RBFOX1: variants seen among roughly 807,000 people sequenced by gnomAD.
RBFOX1 encodes the protein RNA binding protein fox-1 homolog 1.
In RBFOX1, 8 loss-of-function variants were observed where a neutral mutation model predicts 57.7. The ratio of observed to expected loss-of-function variants is 0.14; its 90% CI spans 0.08 to 0.25. RBFOX1 has a LOEUF of 0.25. Ranked by LOEUF, RBFOX1 falls within the 10% of genes least tolerant of loss-of-function variation. RBFOX1 has a pLI of 1.00. For missense variants in RBFOX1, 611 were observed against 548.5 expected (o/e 1.11, Z -1.14); for synonymous variants, 326 against 222.4 (o/e 1.47, Z -4.15).
At chr16:6,006,583 C>G (rs1000188576) in intron 4 of RBFOX1, among the ~76,000 whole-genome samples, 9 of 152,180 alleles carry the variant, frequency 5.9e-5, no homozygotes, top group Non-Finnish European at 1.3e-4. Context: ...TTGCCTAAAG[C>G]CAGTTTTCCT....
intron 4 of RBFOX1, among the ~76,000 whole-genome samples, chr16:7,071,249 G>C (rs532315487): frequency 2.6e-5 from 4 of 152,088 alleles, no homozygotes; most frequent in Admixed American, 6.6e-5. Flanking sequence ...TACACCACTA[G>C]GAGAATAGTA....
intron 4 of RBFOX1, among the ~76,000 whole-genome samples, chr16:7,139,432 G>C (rs952569835): frequency 6.6e-6 from 1 of 151,986 alleles, no homozygotes; most frequent in Non-Finnish European, 1.5e-5. Flanking sequence ...AGACAAAGAG[G>C]GTCCTATATA....
intron 3 of RBFOX1, among the ~76,000 whole-genome samples, chr16:6,829,542 C>T (rs536455531): frequency 1.3e-5 from 2 of 150,106 alleles, no homozygotes; most frequent in Non-Finnish European, 3.0e-5. Context: ...AAATAAGTAC[C>T]ATTAGTTAAA....
At chr16:7,302,493 C>A (rs749721098) in intron 4 of RBFOX1, among the ~76,000 whole-genome samples, 45 of 152,110 alleles carry the variant, frequency 3.0e-4, no homozygotes, top group Admixed American at 9.2e-4. Flanking sequence ...CCCAAATATT[C>A]TTTTGTGAGA....
At chr16:6,252,467 C>T (rs1030982103) in intron 1 of RBFOX1, among the ~76,000 whole-genome samples, 2 of 152,152 alleles carry the variant, frequency 1.3e-5, no homozygotes, top group African/African-American at 2.4e-5. Context: ...CAATGACTAT[C>T]ACTGAAAAGT....
chr16:7,423,170 T>C (rs2149403309), intron 4 of RBFOX1: 1 of 152,124 alleles, frequency 6.6e-6, no homozygotes, highest in South Asian at 2.1e-4. Context: ...CCCTGCTGTA[T>C]TTTAATCATA....
At chr16:7,089,870 A>G (rs1021979305) in intron 4 of RBFOX1, among the ~76,000 whole-genome samples, 11 of 151,464 alleles carry the variant, frequency 7.3e-5, no homozygotes, top group Non-Finnish European at 1.3e-4. Flanking sequence ...CCTGTGCTCA[A>G]GTATTCTGTT....
intron 3 of RBFOX1, among the ~76,000 whole-genome samples, chr16:6,891,665 T>G (rs569064296): frequency 6.6e-6 from 1 of 152,230 alleles, no homozygotes; most frequent in African/African-American, 2.4e-5. Context: ...TTCAACAAAT[T>G]GTTAATGTAA....
chr16:6,773,236 TTGTG>T (rs1214111066), intron 3 of RBFOX1, among the ~76,000 whole-genome samples: 8 of 60,728 alleles, frequency 1.3e-4, no homozygotes, highest in African/African-American at 4.2e-4. Flanking sequence ...TGGGGTGCAT[TTGTG>T]TGTGTGTGTG....
intron 1 of RBFOX1, among the ~76,000 whole-genome samples, chr16:5,389,051 C>T (rs532130470): frequency 2.6e-5 from 4 of 151,118 alleles, no homozygotes; most frequent in South Asian, 4.2e-4. Context: ...ATTAGCCTGG[C>T]GTGGTGGCAG....
intron 1 of RBFOX1, among the ~76,000 whole-genome samples, chr16:6,249,987 C>T (rs2097595373): frequency 1.3e-5 from 2 of 151,988 alleles, no homozygotes; most frequent in African/African-American, 2.4e-5. Flanking sequence ...CAGGAAATGG[C>T]TTGTAGGTGC....
intron 4 of RBFOX1, among the ~76,000 whole-genome samples, chr16:7,359,858 C>T (rs1233615629): frequency 6.6e-6 from 1 of 152,094 alleles, no homozygotes; most frequent in Non-Finnish European, 1.5e-5. Context: ...GAGGCATGCA[C>T]CTGTAGTCCC....
chr16:6,942,402 C>T (rs770489199), intron 3 of RBFOX1, among the ~76,000 whole-genome samples: 14 of 152,168 alleles, frequency 9.2e-5, no homozygotes, highest in Non-Finnish European at 1.9e-4. Context: ...TCAAACCACC[C>T]TCTCCGTCAG....
Position 7,077,695 on chromosome 16 carries a change from G to A in RBFOX1, c.27+25597G>A, listed in dbSNP as rs145597913. 2.0e-5 allele frequency among the ~76,000 whole-genome samples: 3 copies of A among 152,266 alleles called. No individual in the cohort carries two copies. The East Asian group carries it at 5.8e-4, about 29-fold the overall frequency. On this transcript the variant is annotated intron_variant, in intron 4 of 15. Coordinates refer to ENST00000550418, the MANE Select transcript of RBFOX1 (RefSeq NM_018723.4). Reference sequence around the variant, plus strand: ...TTAAAATGTTTTTAAAATTATATCTGTCGGGTTGATAGAAATGGAATGTTC... The same window carrying A: ...TTAAAATGTTTTTAAAATTATATCTATCGGGTTGATAGAAATGGAATGTTC...
At chr16:5,532,288 C>G (rs1013568080) in intron 2 of RBFOX1, among the ~76,000 whole-genome samples, 5 of 152,190 alleles carry the variant, frequency 3.3e-5, no homozygotes, top group Admixed American at 2.6e-4. Flanking sequence ...CAGACTTTGC[C>G]AAACATTTCT....
chr16:5,478,044 C>CCA, intron 2 of RBFOX1, among the ~76,000 whole-genome samples: 1 of 152,210 alleles, frequency 6.6e-6, no homozygotes, highest in South Asian at 2.1e-4. Flanking sequence ...ATCAGGGGAT[C>CCA]CACACACCAT....
intron 4 of RBFOX1, among the ~76,000 whole-genome samples, chr16:7,517,920 T>A (rs1384202697): frequency 3.3e-5 from 5 of 152,036 alleles, no homozygotes; most frequent in Non-Finnish European, 7.4e-5. Flanking sequence ...TCTTTATCTT[T>A]CCAAGCCTCG....
intron 3 of RBFOX1, among the ~76,000 whole-genome samples, chr16:5,670,212 G>A (rs1180580866): frequency 1.3e-5 from 2 of 152,160 alleles, no homozygotes; most frequent in South Asian, 2.1e-4. Context: ...TGCTTAACGG[G>A]TCTGAGGTTT....
At chr16:6,935,618 A>T (rs2077233925) in intron 3 of RBFOX1, among the ~76,000 whole-genome samples, 1 of 152,234 alleles carries the variant, frequency 6.6e-6, no homozygotes. Flanking sequence ...ATGTACACAC[A>T]AGCACACGCT....
Sources: allele counts gnomAD v4.1 joint callset (sites outside exome capture counted in the v4.1 genomes callset), GRCh38; gene constraint gnomAD v4.1.1; transcripts MANE v1.5; gene names NCBI Gene and HGNC (gene_info 2026-07-23, HGNC 2026-07-21).